The following ITGAE variants were observed in gnomAD, a reference collection of about 807,000 sequenced individuals.
ITGAE encodes the protein integrin alpha-E.
ITGAE carries 99 observed loss-of-function variants against 136.5 expected under a neutral mutation model. The ratio of observed to expected loss-of-function variants is 0.73; its 90% CI spans 0.62 to 0.86. ITGAE has a LOEUF of 0.86. ITGAE is among the 40% of genes least tolerant of loss of function. ITGAE has a pLI of 0.00. For synonymous variants in ITGAE, 613 were observed against 591.8 expected (o/e 1.04, Z -0.52); for missense variants, 1,447 against 1,515.3 (o/e 0.95, Z 0.75).
At chr17:3,726,261 G>A (rs778754378) in intron 26 of ITGAE, 3 of 1,614,150 alleles carry the variant, frequency 1.9e-6, no homozygotes, top group Non-Finnish European at 2.5e-6. Context: ...AAAAATCCAG[G>A]AGTTCCACAG....
chr17:3,748,126 T>C, intron 16 of ITGAE, 74 bp from the exon 17 acceptor site: 1 of 1,464,096 alleles, frequency 6.8e-7, no homozygotes, highest in Non-Finnish European at 9.3e-7. Flanking sequence ...GATTGGTTCA[T>C]GCATTCAATG....
chr17:3,762,167 G>A (rs971779182), intron 3 of ITGAE, among the ~76,000 whole-genome samples, 185 bp from the exon 4 acceptor site: 9 of 152,180 alleles, frequency 5.9e-5, no homozygotes, highest in Non-Finnish European at 1.3e-4. Context: ...GTTCAGGGCC[G>A]AGTGCCCATC....
rs757036121 is a variant in ITGAE, at chr17:3,731,134, C to G, written c.2804G>C (p.Arg935Thr). The change falls in exon 23 of 31, where the codon AGG (arginine) becomes ACG (threonine). Residue 935 changes from arginine (R) to threonine (T), a missense_variant. By Grantham distance (71) the Arg-to-Thr change is moderately conservative. Transcript: ENST00000263087. Reference protein sequence around the residue: ...WQLEENAFPNRTADITVTVTN... With the variant: ...WQLEENAFPNTTADITVTVTN... ...GACAGTCACAGTGATGTCTGCTGTCCTGTTTGGAAAGGCATTCTCCTCTAG... is the reference window on the plus strand; with the variant it reads ...GACAGTCACAGTGATGTCTGCTGTCGTGTTTGGAAAGGCATTCTCCTCTAG... The G allele has an allele frequency of 1.2e-6, 2 of 1,613,746 alleles. No homozygotes were observed. Among genetic ancestry groups the G allele is most frequent in the South Asian group, 1.1e-5 (1 of 91,072 alleles).
chr17:3,757,647 C>G, intron 9 of ITGAE, 59 bp downstream of exon 9: 1 of 1,583,458 alleles, frequency 6.3e-7, no homozygotes, highest in Admixed American at 1.8e-5. Flanking sequence ...ACAACCCTGG[C>G]TTCTCCCCAC....
Position 3,757,746 on chromosome 17 carries a change from T to C in ITGAE, c.980A>G (p.Asn327Ser), listed in dbSNP as rs1173337752. Residue 327 changes from asparagine to serine, a missense_variant, in exon 9 of 31, where the codon AAC becomes AGC. Asn to Ser is a conservative substitution (Grantham distance 46). This residue lies in a region of ITGAE where 310 missense variants were observed against 416.1 expected (regional missense o/e 0.74). Coordinates refer to ENST00000263087, the MANE Select transcript of ITGAE (RefSeq NM_002208.5). Reference protein sequence around the residue: ...EDPLNLTTVINSPKMQGVERF... With the variant: ...EDPLNLTTVISSPKMQGVERF... ...CTCAACACCCTGCATTTTGGGGGAG[T>C]TGATGACTGTCGTAAGGTTGAGGGG... 1 of 1,613,482 alleles carries C rather than the reference T, an allele frequency of 6.2e-7. No homozygotes were observed. Among genetic ancestry groups the C allele is most frequent in the African/African-American group, 1.3e-5 (1 of 74,706 alleles).
At chr17:3,740,010 G>A in intron 19 of ITGAE, 132 bp from the exon 20 acceptor site, 3 of 712,168 alleles carry the variant, frequency 4.2e-6, no homozygotes, top group South Asian at 1.5e-5. Context: ...TTACAGGGAG[G>A]TGAGGGGTGC....
intron 12 of ITGAE, 55 bp downstream of exon 12, chr17:3,755,062 C>CGAGGCCCCGCCCT: frequency 2.8e-6 from 1 of 359,604 alleles, no homozygotes. Context: ...CAGGGAGCCT[C>CGAGGCCCCGCCCT]CAGGCCCCGC....
chr17:3,796,193 G>GTGTGTGTGTGTGTGTGTGTGTGTGTGTGT (rs767439329), intron 1 of ITGAE, among the ~76,000 whole-genome samples: 3 of 148,672 alleles, frequency 2.0e-5, no homozygotes, highest in Non-Finnish European at 3.0e-5. Context: ...GTGTGTGTGT[G>GTGTGTGTGTGTGTGTGTGTGTGTGTGTGT]GTGGGGTAGT....
At chr17:3,718,307 A>G (rs1265743319) in intron 29 of ITGAE, 1 of 152,256 alleles carries the variant, frequency 6.6e-6, no homozygotes, top group Non-Finnish European at 1.5e-5. Context: ...ATGAAGAAAA[A>G]TCCAACATCC....
At chr17:3,715,666 A>G (rs948222533) in intron 30 of ITGAE, among the ~76,000 whole-genome samples, 6 of 152,128 alleles carry the variant, frequency 3.9e-5, no homozygotes, top group African/African-American at 1.4e-4. Context: ...CAGCCTGGGC[A>G]ATATAGGGAG....
Position 3,755,250 on chromosome 17 carries a change from C to G in ITGAE, c.1251G>C (p.Leu417=), listed in dbSNP as rs1301435706. The G allele has an allele frequency of 2.5e-6, 4 of 1,574,132 alleles. No homozygotes were observed. Among genetic ancestry groups the G allele is most frequent in the Non-Finnish European group, 3.4e-6 (4 of 1,166,570 alleles). The change falls in exon 12 of 31, where the codon CTG becomes CTC. Residue 417 remains leucine (L), a synonymous_variant. Transcript: ENST00000263087. The part of the protein sequence containing the change: ...SAQILDERQV[L]LGAVGAFDWS... ...AGTCAAAGGCCCCGACGGCGCCGAG[C>G]AGCACCTGCCGCTGAAGGGGACGGG...
chr17:3,765,265 T>C (rs1340239412), intron 2 of ITGAE, among the ~76,000 whole-genome samples: 3 of 140,780 alleles, frequency 2.1e-5, no homozygotes, highest in Admixed American at 1.6e-4. Flanking sequence ...AGGAGAATGG[T>C]GTGAACCCAG....
In ITGAE at chr17:3,723,379, A is replaced by AG; in HGVS notation, c.3145_3146insC (p.Val1049AlafsTer15). ...ACAGCTCACTGAATGCCATTCTTCC[A>AG]CATGCTGGAAAAGCGAGGTCTAGTG... On this transcript the variant is annotated frameshift_variant, in exon 28 of 31. Coordinates refer to ENST00000263087, the MANE Select transcript of ITGAE (RefSeq NM_002208.5). LOFTEE classifies it high-confidence loss of function. 1 of 1,612,058 alleles carries AG rather than the reference A, an allele frequency of 6.2e-7. No individual in the cohort carries two copies. The highest frequency in any genetic ancestry group is 8.5e-7 in the Non-Finnish European group (1 of 1,178,120).
In ITGAE at chr17:3,757,865, C is replaced by T. The variant is rs764383389; in HGVS notation, c.867-6G>A. On this transcript the variant is annotated splice_region_variant and splice_polypyrimidine_tract_variant and intron_variant, in intron 8 of 30. Coordinates refer to ENST00000263087, the MANE Select transcript of ITGAE (RefSeq NM_002208.5). ...TTGAGGTGAAGATGCTGTCTCTAAG[C>T]AGGGGAGAGTAAATGAAGAAGAGAG... 9 of 1,613,970 alleles carry T rather than the reference C, an allele frequency of 5.6e-6. No homozygotes were observed. The highest frequency in any genetic ancestry group is 3.4e-6 in the Non-Finnish European group (4 of 1,179,964).
At chr17:3,800,963 G>C (rs1233136612) in intron 1 of ITGAE, 148 bp downstream of exon 1, 1 of 903,722 alleles carries the variant, frequency 1.1e-6, no homozygotes, top group Non-Finnish European at 1.7e-6. Context: ...CACCGAGCAA[G>C]ACTCCTTTCC....
intron 2 of ITGAE, among the ~76,000 whole-genome samples, chr17:3,764,326 C>A (rs1378951757): frequency 6.6e-6 from 1 of 152,206 alleles, no homozygotes. Flanking sequence ...CGTGGGCCAC[C>A]CAGGGGGCCT....
chr17:3,731,270 G>A (rs1288563663), intron 22 of ITGAE, 87 bp from the exon 23 acceptor site: 10 of 936,256 alleles, frequency 1.1e-5, no homozygotes, highest in East Asian at 7.3e-5. Flanking sequence ...ACAGACCTAG[G>A]AGACGATTCC....
intron 28 of ITGAE, chr17:3,720,718 A>AATTAT: frequency 5.0e-6 from 1 of 201,550 alleles, no homozygotes; most frequent in Non-Finnish European, 1.0e-5. Flanking sequence ...GAGTAGCTGG[A>AATTAT]ATTATGGGCA....
chr17:3,743,275 C>G (rs2051629032), intron 19 of ITGAE, among the ~76,000 whole-genome samples: 1 of 152,234 alleles, frequency 6.6e-6, no homozygotes, highest in Admixed American at 6.5e-5. Flanking sequence ...GCCCCAGGGG[C>G]AGATGGAGAC....
Sources: allele counts gnomAD v4.1 joint callset (sites outside exome capture counted in the v4.1 genomes callset), GRCh38; gene constraint gnomAD v4.1.1; regional missense constraint gnomAD v4.1.1; transcripts MANE v1.5; gene names NCBI Gene and HGNC (gene_info 2026-07-23, HGNC 2026-07-21).